The following NFIX variants were observed in gnomAD, a reference collection of about 807,000 sequenced individuals.
The protein encoded by NFIX is nuclear factor 1 X-type.
A neutral mutation model predicts 53.3 loss-of-function variants in NFIX; 2 were observed. That is an observed-to-expected ratio of 0.04 (90% CI 0.02 to 0.12). The LOEUF is 0.12. NFIX is among the 10% of genes least tolerant of loss of function. The pLI is 1.00. For synonymous variants in NFIX, 244 were observed against 289.0 expected (o/e 0.84, Z 1.58); for missense variants, 310 against 674.5 (o/e 0.46, Z 5.99).
At chr19:13,033,259 GGGA>G (rs1311204534) in intron 2 of NFIX, among the ~76,000 whole-genome samples, 2 of 152,190 alleles carry the variant, frequency 1.3e-5, no homozygotes, top group Non-Finnish European at 2.9e-5. Flanking sequence ...GGAGGGCCTA[GGGA>G]GGAGAAGTTT....
intron 2 of NFIX, among the ~76,000 whole-genome samples, chr19:13,048,246 C>T (rs1303497862): frequency 6.6e-6 from 1 of 152,184 alleles, no homozygotes; most frequent in Non-Finnish European, 1.5e-5. Flanking sequence ...TTCTTTCCAG[C>T]TACCAGGCAG....
Position 13,072,726 on chromosome 19 carries a change from T to C in NFIX, c.560-321T>C, listed in dbSNP as rs1178851662. Reference sequence around the variant, plus strand: ...GTTTGGGTTGTCACAACTGGGGTGCTACTGTCATCTAGTGGGTGGAGGCCA... The same window carrying C: ...GTTTGGGTTGTCACAACTGGGGTGCCACTGTCATCTAGTGGGTGGAGGCCA... On this transcript the variant is annotated intron_variant, in intron 2 of 10. Transcript: ENST00000592199. The surrounding 1 kb of genome is among the most constrained non-coding windows in gnomAD (Gnocchi z 4.0). Among the ~76,000 whole-genome samples the C allele has an allele frequency of 6.6e-6, 1 of 152,230 alleles. No individual in the cohort carries two copies. Among genetic ancestry groups the C allele is most frequent in the Non-Finnish European group, 1.5e-5 (1 of 68,044 alleles).
rs1238342300 is a variant in NFIX, at chr19:13,049,122, G to A, written c.559+23570G>A. 5.3e-5 allele frequency among the ~76,000 whole-genome samples: 8 copies of A among 151,440 alleles called. No homozygotes were observed. In the South Asian group the frequency reaches 8.4e-4, roughly 16 times the overall value. On this transcript the variant is annotated intron_variant, in intron 2 of 10. Transcript: ENST00000592199. This position sits in a 1 kb window ranked among gnomAD's most constrained non-coding sequence, Gnocchi z 4.5. ...AAAATTAGCCATGCACGGTGGTGGC[G>A]TGCATTTGTAATCCTAGCTACTTGG...
intron 2 of NFIX, among the ~76,000 whole-genome samples, chr19:13,035,742 T>G (rs2014141882): frequency 6.6e-6 from 1 of 152,196 alleles, no homozygotes; most frequent in Non-Finnish European, 1.5e-5. Flanking sequence ...TTCTTCGAAT[T>G]TTTTTCATCA....
rs1038211321 is a variant in NFIX, at chr19:13,093,123, T to C, written c.1495-1512T>C. Among the ~76,000 whole-genome samples, 2 of 152,216 alleles carry C rather than the reference T, an allele frequency of 1.3e-5. No homozygotes were observed. The highest frequency in any genetic ancestry group is 2.4e-5 in the African/African-American group (1 of 41,438). On this transcript the variant is annotated intron_variant, in intron 10 of 10. Transcript: ENST00000592199. This position sits in a 1 kb window ranked among gnomAD's most constrained non-coding sequence, Gnocchi z 4.7. ...GGCTGTTTACATTTAAATTATTAAC[T>C]AAAGAAAAATTTAGTTCCTCAGTTA... is the stretch of plus-strand genomic sequence containing the variant.
chr19:13,083,584 A>G (rs929144697), intron 8 of NFIX, among the ~76,000 whole-genome samples: 4 of 152,202 alleles, frequency 2.6e-5, no homozygotes, highest in Non-Finnish European at 5.9e-5. Flanking sequence ...CATTTTGCCT[A>G]GAAGCTTCTC....
chr19:13,074,835 C>T (rs182227190), intron 5 of NFIX, among the ~76,000 whole-genome samples: 9 of 151,118 alleles, frequency 6.0e-5, no homozygotes, highest in East Asian at 1.9e-4. Context: ...TTTGGGAGGC[C>T]GAGATGGGCG....
chr19:13,011,490 T>TG lies in NFIX; in HGVS notation c.28-13529dup, dbSNP rs897985692. 2.1e-5 allele frequency among the ~76,000 whole-genome samples: 3 copies of TG among 141,588 alleles called. No individual in the cohort carries two copies. The highest frequency in any genetic ancestry group is 7.6e-5 in the African/African-American group (3 of 39,308). The allele number at this position is 141,588 out of a possible 152,430, so 92.9% of individuals were successfully genotyped here. A position where few individuals can be genotyped will look rare whatever the true frequency, so the allele number is the denominator to read the frequency against. ...GGAGGCGAGTTCCCTGCGCGCATCA[T>TG]GGACTTCAGGAGTGAGGGTGGGTGG... On this transcript the variant is annotated intron_variant, in intron 1 of 10. Coordinates refer to ENST00000592199, the MANE Select transcript of NFIX (RefSeq NM_001365902.3). The surrounding 1 kb of genome is among the most constrained non-coding windows in gnomAD (Gnocchi z 6.5).
In NFIX at chr19:13,006,906, C is replaced by G. The variant is rs1250840930; in HGVS notation, c.27+11042C>G. On this transcript the variant is annotated intron_variant, in intron 1 of 10. Coordinates refer to ENST00000592199, the MANE Select transcript of NFIX (RefSeq NM_001365902.3). This position sits in a 1 kb window ranked among gnomAD's most constrained non-coding sequence, Gnocchi z 5.6. ...CACCCCATGCCCGGGCAGAGCCGAG[C>G]GGCTGCTGCTGCCAGTCTCCATTTC... Among the ~76,000 whole-genome samples the G allele has an allele frequency of 6.6e-6, 1 of 152,194 alleles. No homozygotes were observed. The highest frequency in any genetic ancestry group is 2.4e-5 in the African/African-American group (1 of 41,436).
chr19:13,081,967 G>A lies in NFIX; in HGVS notation c.1254+112G>A. ...AAAGCCAGGAGCCCACCTGGGGCTG[G>A]AGCAGCAGGGAGCTGGTAGTACCAA... On this transcript the variant is annotated intron_variant, in intron 8 of 10. Coordinates refer to ENST00000592199, the MANE Select transcript of NFIX (RefSeq NM_001365902.3). The surrounding 1 kb of genome is among the most constrained non-coding windows in gnomAD (Gnocchi z 4.7). 8.0e-7 allele frequency: 1 copy of A among 1,254,934 alleles called. No homozygotes were observed. The highest frequency in any genetic ancestry group is 1.1e-6 in the Non-Finnish European group (1 of 897,298). 77.7% of individuals were successfully genotyped at this position (1,254,934 alleles called of 1,614,324 possible).
chr19:13,049,655 G>A lies in NFIX; in HGVS notation c.560-23392G>A, dbSNP rs900613026. Reference sequence around the variant, plus strand: ...GTCGCCCAGGCTGGAGTGCAGTGGCGCGATCTCTGCTCACTGCAACCTCTG... The same window carrying A: ...GTCGCCCAGGCTGGAGTGCAGTGGCACGATCTCTGCTCACTGCAACCTCTG... On this transcript the variant is annotated intron_variant, in intron 2 of 10. Coordinates refer to ENST00000592199, the MANE Select transcript of NFIX (RefSeq NM_001365902.3). The surrounding 1 kb of genome is among the most constrained non-coding windows in gnomAD (Gnocchi z 4.5). Among the ~76,000 whole-genome samples, 2 of 150,512 alleles carry A rather than the reference G, an allele frequency of 1.3e-5. No individual in the cohort carries two copies. The highest frequency in any genetic ancestry group is 6.6e-5 in the Admixed American group (1 of 15,084).
rs949097977 is a variant in NFIX at position 13,009,838 on chromosome 19, G to C, written c.27+13974G>C. ...AGTGGCCATGTGGACGGCTGGAGTTGGTCCGCAGTGGTGGCAGCTTGTGGT... is the reference window on the plus strand; with the variant it reads ...AGTGGCCATGTGGACGGCTGGAGTTCGTCCGCAGTGGTGGCAGCTTGTGGT... On this transcript the variant is annotated intron_variant, in intron 1 of 10. Coordinates refer to ENST00000592199, the MANE Select transcript of NFIX (RefSeq NM_001365902.3). The surrounding 1 kb of genome is among the most constrained non-coding windows in gnomAD (Gnocchi z 4.7). 2.6e-5 allele frequency among the ~76,000 whole-genome samples: 4 copies of C among 152,222 alleles called. No homozygotes were observed. The highest frequency in any genetic ancestry group is 9.6e-5 in the African/African-American group (4 of 41,454).
intron 2 of NFIX, among the ~76,000 whole-genome samples, chr19:13,046,049 TG>T (rs1354721500): frequency 6.6e-6 from 1 of 152,210 alleles, no homozygotes; most frequent in Admixed American, 6.5e-5. Flanking sequence ...GAAATGGAGC[TG>T]GGTGGGGCAG....
intron 2 of NFIX, among the ~76,000 whole-genome samples, chr19:13,055,639 G>T (rs533238157): frequency 1.0e-3 from 159 of 152,330 alleles, no homozygotes; most frequent in Non-Finnish European, 1.8e-3. Flanking sequence ...GGAGGGGGGG[G>T]TCTGCCTCCT....
rs1055817275 is a variant in NFIX at position 13,022,371 on chromosome 19, G to A, written c.28-2650G>A. Among the ~76,000 whole-genome samples, 1 of 152,094 alleles carries A rather than the reference G, an allele frequency of 6.6e-6. No homozygotes were observed. The highest frequency in any genetic ancestry group is 1.9e-4 in the East Asian group (1 of 5,182). On this transcript the variant is annotated intron_variant, in intron 1 of 10. Coordinates refer to ENST00000592199, the MANE Select transcript of NFIX (RefSeq NM_001365902.3). The surrounding 1 kb of genome is among the most constrained non-coding windows in gnomAD (Gnocchi z 4.5). Reference sequence around the variant, plus strand: ...TGGGGGAGAAGGGAGGGACGTGTGGGGTGCTGGCCTCCCCCTTGTCTGAGA... The same window carrying A: ...TGGGGGAGAAGGGAGGGACGTGTGGAGTGCTGGCCTCCCCCTTGTCTGAGA...
chr19:13,092,183 A>G (rs1306845250), intron 10 of NFIX, among the ~76,000 whole-genome samples: 1 of 152,226 alleles, frequency 6.6e-6, no homozygotes, highest in Non-Finnish European at 1.5e-5. Context: ...TGATCTCTGG[A>G]GCACCAGATG....
rs1425952466 is a variant in NFIX at position 13,005,028 on chromosome 19, A to G, written c.27+9164A>G. On this transcript the variant is annotated intron_variant, in intron 1 of 10. Transcript: ENST00000592199. This position sits in a 1 kb window ranked among gnomAD's most constrained non-coding sequence, Gnocchi z 4.7. ...GACAGGGTTTCTCCATGTTGGCCAGACTGGTCTCAAACTCCTGGCCTCAAG... is the reference window on the plus strand; with the variant it reads ...GACAGGGTTTCTCCATGTTGGCCAGGCTGGTCTCAAACTCCTGGCCTCAAG... Among the ~76,000 whole-genome samples, 3 of 151,858 alleles carry G rather than the reference A, an allele frequency of 2.0e-5. No homozygotes were observed. The highest frequency in any genetic ancestry group is 7.3e-5 in the African/African-American group (3 of 41,346).
intron 2 of NFIX, among the ~76,000 whole-genome samples, chr19:13,069,315 GA>G (rs1243462973): frequency 6.6e-6 from 1 of 152,206 alleles, no homozygotes; most frequent in Non-Finnish European, 1.5e-5. Context: ...GCTTCCAGGG[GA>G]CATGGCCCCA....
rs1286061756 is a variant in NFIX, at chr19:13,093,780, C to G, written c.1495-855C>G. Among the ~76,000 whole-genome samples the G allele has an allele frequency of 6.6e-6, 1 of 152,144 alleles. No homozygotes were observed. The highest frequency in any genetic ancestry group is 1.9e-4 in the East Asian group (1 of 5,186). On this transcript the variant is annotated intron_variant, in intron 10 of 10. Coordinates refer to ENST00000592199, the MANE Select transcript of NFIX (RefSeq NM_001365902.3). The surrounding 1 kb of genome is among the most constrained non-coding windows in gnomAD (Gnocchi z 4.7). ...GCCCCAACGGTACTACCAGGTGCAC[C>G]CAGGCCCAGTAGACCACAGTAGACC...
Sources: gnomAD v4.1 joint callset for allele counts (sites outside exome capture counted in the v4.1 genomes callset) on GRCh38, gnomAD v4.1.1 for gene constraint, Gnocchi (gnomAD v3.1) non-coding constraint, MANE v1.5 for transcripts, NCBI Gene and HGNC (gene_info 2026-07-23, HGNC 2026-07-21) for gene names.